The following CKLF variants were observed in gnomAD, a reference collection of about 807,000 sequenced individuals.
The protein encoded by CKLF is chemokine-like factor.
A neutral mutation model predicts 12.9 loss-of-function variants in CKLF; 16 were observed. The observed-to-expected ratio is 1.24, with a 90% confidence interval of 0.84 to 1.88. CKLF has a LOEUF of 1.88. CKLF is among the 40% of genes most tolerant of loss of function. CKLF has a pLI of 0.00. For missense variants in CKLF, 172 were observed against 188.5 expected, an observed-to-expected ratio of 0.91 and a Z score of 0.51; for synonymous variants, 61 against 69.0, an observed-to-expected ratio of 0.88 and a Z score of 0.57.
At chr16:66,558,497 G>C (rs1047612611) in intron 2 of CKLF, 149 bp downstream of exon 2, 15 of 1,132,346 alleles carry the variant, frequency 1.3e-5, no homozygotes, top group Non-Finnish European at 1.6e-5. Context: ...AATGTGCCCT[G>C]TATTGCTTTG....
intron 2 of CKLF, among the ~76,000 whole-genome samples, chr16:66,561,261 T>TC (rs994927987): frequency 2.0e-5 from 3 of 150,370 alleles, no homozygotes; most frequent in African/African-American, 4.9e-5. Flanking sequence ...CTCTGATTGT[T>TC]CCCCCCCGAG....
intron 3 of CKLF, 101 bp from the exon 4 acceptor site, chr16:66,565,785 C>G: frequency 9.4e-7 from 1 of 1,062,034 alleles, no homozygotes; most frequent in Admixed American, 1.8e-5. Flanking sequence ...ATCCGAGTAC[C>G]CTAGCAAGAG....
At chr16:66,558,151 C>T in intron 1 of CKLF, 39 bp from the exon 2 acceptor site, 5 of 1,596,002 alleles carry the variant, frequency 3.1e-6, no homozygotes, top group African/African-American at 2.7e-5. Flanking sequence ...AATTTGTATT[C>T]AGTTGTCACT....
intron 3 of CKLF, among the ~76,000 whole-genome samples, chr16:66,564,620 G>A (rs12448323): frequency 0.059 from 8,960 of 151,996 alleles, 409 homozygotes; most frequent in East Asian, 0.12. Flanking sequence ...ACAGGCATCC[G>A]CCACCATGCC....
intron 2 of CKLF, among the ~76,000 whole-genome samples, chr16:66,559,700 G>A (rs567825961): frequency 6.9e-4 from 105 of 152,250 alleles, no homozygotes; most frequent in Non-Finnish European, 1.3e-3. Flanking sequence ...GAGTGTAACA[G>A]AATACACTGA....
intron 1 of CKLF, 59 bp from the exon 2 acceptor site, chr16:66,558,131 T>TTATTTTTATTTGTA (rs2144532278): frequency 6.3e-7 from 1 of 1,586,802 alleles, no homozygotes; most frequent in African/African-American, 1.4e-5. Context: ...ATTGTCATTT[T>TTATTTTTATTTGTA]TACAGTTTAA....
chr16:66,565,548 T>TA (rs2012183625), intron 3 of CKLF: 1 of 228,352 alleles, frequency 4.4e-6, no homozygotes, highest in African/African-American at 2.3e-5. Context: ...GAAATATTAA[T>TA]AACTAAATAT....
intron 3 of CKLF, 98 bp from the exon 4 acceptor site, chr16:66,565,788 A>T (rs745534898): frequency 2.0e-5 from 22 of 1,099,756 alleles, no homozygotes; most frequent in Non-Finnish European, 2.9e-5. Context: ...CGAGTACCCT[A>T]GCAAGAGAGG....
chr16:66,552,669 G>A lies in CKLF; in HGVS notation c.-47G>A. The A allele has an allele frequency of 1.9e-6, 3 of 1,613,670 alleles. No individual in the cohort carries two copies. The highest frequency in any genetic ancestry group is 2.2e-5 in the South Asian group (2 of 91,084). ...TTCGCAGAACCTACTCAGGCAGCCA[G>A]CTGAGAAGAGTTGAGGGAAAGTGCT... On this transcript the variant is annotated 5_prime_UTR_variant, in exon 1 of 4. Transcript: ENST00000264001.
chr16:66,552,631 C>G lies in CKLF; in HGVS notation c.-85C>G. 1 of 1,599,164 alleles carries G rather than the reference C, an allele frequency of 6.3e-7. No homozygotes were observed. The highest frequency in any genetic ancestry group is 1.1e-5 in the South Asian group (1 of 90,586). On this transcript the variant is annotated 5_prime_UTR_variant, in exon 1 of 4. Coordinates refer to ENST00000264001, the MANE Select transcript of CKLF (RefSeq NM_016951.4). ...GGAGGGCGGTGCTCCGCCGCGGTGG[C>G]GGTTGCTATCGCTTCGCAGAACCTA...
chr16:66,562,351 G>A (rs557132971), intron 2 of CKLF, among the ~76,000 whole-genome samples: 1 of 152,268 alleles, frequency 6.6e-6, no homozygotes, highest in East Asian at 1.9e-4. Flanking sequence ...ACAGCGCCCA[G>A]CATTAATTGC....
chr16:66,565,862 A>G (rs899595366), intron 3 of CKLF, 24 bp from the exon 4 acceptor site: 1 of 1,612,280 alleles, frequency 6.2e-7, no homozygotes, highest in South Asian at 1.1e-5. Flanking sequence ...TGGTTAGGGC[A>G]GTGACACTTG....
intron 2 of CKLF, among the ~76,000 whole-genome samples, chr16:66,562,194 C>T (rs937525247): frequency 1.4e-4 from 21 of 151,982 alleles, no homozygotes; most frequent in African/African-American, 4.1e-4. Context: ...AAGCAATTCT[C>T]CTGCCTCAGC....
intron 2 of CKLF, among the ~76,000 whole-genome samples, chr16:66,562,240 A>G (rs1027894198): frequency 3.9e-5 from 6 of 152,192 alleles, no homozygotes; most frequent in African/African-American, 1.4e-4. Flanking sequence ...GCTCACCACC[A>G]TGCCTGGCTA....
intron 1 of CKLF, among the ~76,000 whole-genome samples, 194 bp downstream of exon 1, chr16:66,552,987 C>T (rs2144511668): frequency 6.6e-6 from 1 of 152,208 alleles, no homozygotes; most frequent in South Asian, 2.1e-4. Flanking sequence ...GGTTTAGGGA[C>T]ACACTCATTC....
intron 1 of CKLF, among the ~76,000 whole-genome samples, chr16:66,557,366 C>T (rs2011489134): frequency 1.3e-5 from 2 of 152,174 alleles, no homozygotes; most frequent in Non-Finnish European, 1.5e-5. Context: ...CAAGGTTTCA[C>T]CATGTTGGCC....
At position 66,563,107 on chromosome 16, in the gene CKLF, A is replaced by C; in HGVS notation, c.238-15A>C. ...TAGTCTTCATGTAAGGCTCAGCTTT[A>C]TTGTGTGTTTTTAGGATATTATCAA... is the stretch of plus-strand genomic sequence containing the variant. On this transcript the variant is annotated splice_polypyrimidine_tract_variant and intron_variant, in intron 2 of 3. Transcript: ENST00000264001. The C allele has an allele frequency of 6.2e-7, 1 of 1,613,544 alleles. No individual in the cohort carries two copies. The highest frequency in any genetic ancestry group is 8.5e-7 in the Non-Finnish European group (1 of 1,179,830).
intron 1 of CKLF, 150 bp downstream of exon 1, chr16:66,552,943 G>A: frequency 1.8e-6 from 2 of 1,110,506 alleles, no homozygotes; most frequent in Non-Finnish European, 2.6e-6. Context: ...TGGGGAAGAA[G>A]GAGAGAGATA....
intron 2 of CKLF, 179 bp downstream of exon 2, chr16:66,558,527 C>A: frequency 1.3e-6 from 1 of 771,884 alleles, no homozygotes; most frequent in Non-Finnish European, 1.9e-6. Flanking sequence ...CTCAAGGATG[C>A]AGGGCAGCCA....
Sources: allele counts gnomAD v4.1 joint callset (sites outside exome capture counted in the v4.1 genomes callset), GRCh38; gene constraint gnomAD v4.1.1; transcripts MANE v1.5; gene names NCBI Gene and HGNC (gene_info 2026-07-23, HGNC 2026-07-21).